DLG5: variants seen among roughly 807,000 people sequenced by gnomAD.
DLG5 encodes the protein discs large MAGUK scaffold protein 5.
In DLG5, 48 loss-of-function variants were observed where a neutral mutation model predicts 189.8. The ratio of observed to expected loss-of-function variants is 0.25; its 90% confidence interval spans 0.20 to 0.32. DLG5 has a LOEUF of 0.32. Among genes scored for constraint, DLG5 ranks in the 10% least tolerant of loss-of-function variants. The pLI is 1.00. For synonymous variants in DLG5, 1,016 were observed against 1,054.1 expected, an observed-to-expected ratio of 0.96 and a Z score of 0.70; for missense variants, 2,160 against 2,544.7, an observed-to-expected ratio of 0.85 and a Z score of 3.25.
At chr10:77,841,821 C>T in intron 7 of DLG5, 60 bp downstream of exon 7, 14 of 1,554,936 alleles carry the variant, frequency 9.0e-6, no homozygotes, top group Non-Finnish European at 1.2e-5. Context: ...CACTCTGCAG[C>T]CCCTCTTCCC....
chr10:77,806,718 A>ACG lies in DLG5; in HGVS notation c.4967+39_4967+40insCG. On this transcript the variant is annotated intron_variant, in intron 26 of 31. Transcript: ENST00000372391. ...GCTCCATGGCTGGTGGCCCTCGGCG[A>ACG]CCCCTGCCCCACCCCACCCCAGGCC... 2.8e-4 allele frequency: 373 copies of ACG among 1,333,562 alleles called. 1 individual carries two copies. Among genetic ancestry groups the ACG allele is most frequent in the Middle Eastern group, 4.4e-4 (2 of 4,524 alleles). 82.6% of individuals were successfully genotyped at this position (1,333,562 alleles called of 1,614,324 possible). A position where few individuals can be genotyped will look rare whatever the true frequency, so the allele number is the denominator to read the frequency against.
intron 1 of DLG5, among the ~76,000 whole-genome samples, chr10:77,881,461 CCA>C (rs1460899473): frequency 2.0e-5 from 3 of 152,170 alleles, no homozygotes; most frequent in Non-Finnish European, 2.9e-5. Context: ...AAGAAGGGTT[CCA>C]GTCACCTCTG....
intron 1 of DLG5, among the ~76,000 whole-genome samples, chr10:77,903,630 CAAAAA>C (rs574454210): frequency 1.7e-5 from 1 of 58,716 alleles, no homozygotes; most frequent in African/African-American, 4.2e-5. Context: ...AACTCCATCT[CAAAAA>C]AAAAAAAAAA....
At position 77,843,310 on chromosome 10, in the gene DLG5, C is replaced by CA. The variant is rs201273953; in HGVS notation, c.1124+136dup. ...ACGATTCCCAAGACACATTCAGTGTCAAAAAAAAATGTTTCCTGGTCAGAA... is the reference window on the plus strand; with the variant it reads ...ACGATTCCCAAGACACATTCAGTGTCAAAAAAAAAATGTTTCCTGGTCAGAA... On this transcript the variant is annotated intron_variant, in intron 6 of 31. Coordinates refer to ENST00000372391, the MANE Select transcript of DLG5 (RefSeq NM_004747.4). 3.8e-3 allele frequency: 4,109 copies of CA among 1,083,078 alleles called. 32 individuals carry two copies. Among genetic ancestry groups the CA allele is most frequent in the South Asian group, 0.019 (1,225 of 64,592 alleles). The allele number at this position is 1,083,078 out of a possible 1,614,324, so 67.1% of individuals were successfully genotyped here.
At chr10:77,876,894 T>G (rs1845117570) in intron 1 of DLG5, among the ~76,000 whole-genome samples, 1 of 151,532 alleles carries the variant, frequency 6.6e-6, no homozygotes, top group Non-Finnish European at 1.5e-5. Flanking sequence ...TTTTAAACTT[T>G]ATATTTTAAA....
At chr10:77,889,184 G>C (rs1450050193) in intron 1 of DLG5, among the ~76,000 whole-genome samples, 7 of 146,938 alleles carry the variant, frequency 4.8e-5, no homozygotes, top group Admixed American at 2.7e-4. Flanking sequence ...TAACCTCCCA[G>C]GCCTCACAAG....
chr10:77,864,430 G>A (rs974512935), intron 2 of DLG5, among the ~76,000 whole-genome samples: 3 of 152,080 alleles, frequency 2.0e-5, no homozygotes, highest in Non-Finnish European at 4.4e-5. Flanking sequence ...CAGAGCCACA[G>A]TCATCAGAGC....
rs112383980 is a variant in DLG5 at position 77,880,769 on chromosome 10, T to C, written c.305-11572A>G. 1.2e-3 allele frequency among the ~76,000 whole-genome samples: 177 copies of C among 152,284 alleles called. 1 individual carries two copies. Among genetic ancestry groups the C allele is most frequent in the African/African-American group, 3.7e-3 (154 of 41,546 alleles). ...CAGGTAACATTTATTGAGTACTTGT[T>C]GCAAGAAAGGCACTATTTGTATGGA... On this transcript the variant is annotated intron_variant, in intron 1 of 31. Transcript: ENST00000372391.
At chr10:77,834,135 CCTGCCGG>C (rs2154576044) in intron 8 of DLG5, 96 bp from the exon 9 acceptor site, 4 of 1,464,398 alleles carry the variant, frequency 2.7e-6, no homozygotes. Context: ...ACTCCAAATA[CCTGCCGG>C]CACCTATCCC....
intron 1 of DLG5, among the ~76,000 whole-genome samples, chr10:77,913,105 G>T (rs1192047795): frequency 6.6e-6 from 1 of 152,072 alleles, no homozygotes; most frequent in East Asian, 1.9e-4. Flanking sequence ...AAAAACTTAA[G>T]TCATAAAAGA....
intron 5 of DLG5, among the ~76,000 whole-genome samples, chr10:77,851,321 A>C (rs1394752258): frequency 6.6e-6 from 1 of 152,214 alleles, no homozygotes; most frequent in East Asian, 1.9e-4. Flanking sequence ...TGCACAAGGA[A>C]GGGTCCCTGC....
At chr10:77,863,498 T>A (rs1844553472) in intron 2 of DLG5, among the ~76,000 whole-genome samples, 1 of 152,216 alleles carries the variant, frequency 6.6e-6, no homozygotes, top group Non-Finnish European at 1.5e-5. Flanking sequence ...TCCTCTGCTG[T>A]CACTGTGGTT....
At chr10:77,921,767 T>C (rs986942644) in intron 1 of DLG5, among the ~76,000 whole-genome samples, 18 of 152,168 alleles carry the variant, frequency 1.2e-4, no homozygotes, top group Admixed American at 7.2e-4. Flanking sequence ...GCTGGCTCCA[T>C]TCTCTTAAGT....
chr10:77,877,727 G>A (rs1406022178), intron 1 of DLG5, among the ~76,000 whole-genome samples: 1 of 152,198 alleles, frequency 6.6e-6, no homozygotes, highest in East Asian at 1.9e-4. Flanking sequence ...CACAGGAGGA[G>A]GCCCAAAGAG....
Position 77,819,825 on chromosome 10 carries a change from C to T in DLG5, c.3526+70G>A, listed in dbSNP as rs569665933. 2.7e-6 allele frequency: 4 copies of T among 1,500,402 alleles called. No homozygotes were observed. In the South Asian group the frequency reaches 4.0e-5, roughly 15 times the overall value. The allele number at this position is 1,500,402 out of a possible 1,614,324, so 92.9% of individuals were successfully genotyped here. A position where few individuals can be genotyped will look rare whatever the true frequency, so the allele number is the denominator to read the frequency against. ...GCAGCTCTCTGAAATGCTGCCTCCCCTCTCCCTGGAGACTAGGCATCCCGA... is the reference window on the plus strand; with the variant it reads ...GCAGCTCTCTGAAATGCTGCCTCCCTTCTCCCTGGAGACTAGGCATCCCGA... On this transcript the variant is annotated intron_variant, in intron 16 of 31. Transcript: ENST00000372391.
At chr10:77,905,552 C>T (rs1373444077) in intron 1 of DLG5, among the ~76,000 whole-genome samples, 1 of 152,212 alleles carries the variant, frequency 6.6e-6, no homozygotes, top group African/African-American at 2.4e-5. Context: ...TCAACTATCA[C>T]ATGACCTGAA....
At chr10:77,847,116 C>T (rs749498216) in intron 5 of DLG5, among the ~76,000 whole-genome samples, 73 of 152,100 alleles carry the variant, frequency 4.8e-4, no homozygotes, top group Admixed American at 3.1e-3. Context: ...CAGCAAGGGC[C>T]GTGAGAGTGG....
intron 27 of DLG5, among the ~76,000 whole-genome samples, chr10:77,801,445 C>T (rs114804937): frequency 0.02 from 2,975 of 152,164 alleles, 105 homozygotes; most frequent in African/African-American, 0.069. Context: ...AGAAAAAGAG[C>T]CCAGAAGACA....
chr10:77,884,451 A>G (rs1315602928), intron 1 of DLG5, among the ~76,000 whole-genome samples: 1 of 152,120 alleles, frequency 6.6e-6, no homozygotes, highest in Non-Finnish European at 1.5e-5. Flanking sequence ...TGGATCAGCA[A>G]CGTCTGCCTT....
Sources: gnomAD v4.1 joint callset for allele counts (sites outside exome capture counted in the v4.1 genomes callset) on GRCh38, gnomAD v4.1.1 for gene constraint, MANE v1.5 for transcripts, NCBI Gene and HGNC (gene_info 2026-07-23, HGNC 2026-07-21) for gene names.